Variants in CATSPERE observed in about 807,000 individuals in gnomAD.
CATSPERE encodes cation channel sperm-associated auxiliary subunit epsilon.
In CATSPERE, 93 loss-of-function variants were observed where a neutral mutation model predicts 114.1. The observed-to-expected ratio is 0.81, with a 90% confidence interval of 0.69 to 0.97. The LOEUF is 0.97. CATSPERE is among the 50% of genes least tolerant of loss of function. CATSPERE has a pLI of 0.00. For missense variants in CATSPERE, 1,058 were observed against 1,131.6 expected (o/e 0.93, Z 0.93); for synonymous variants, 341 against 384.1 (o/e 0.89, Z 1.31).
chr1:244,524,139 G>C (rs1678109065), intron 8 of CATSPERE, among the ~76,000 whole-genome samples: 1 of 149,416 alleles, frequency 6.7e-6, no homozygotes, highest in African/African-American at 2.6e-5. Context: ...CCAAAACAGA[G>C]ATATAGATCA....
intron 7 of CATSPERE, among the ~76,000 whole-genome samples, chr1:244,505,652 A>G (rs935676854): frequency 2.7e-4 from 41 of 152,288 alleles, no homozygotes; most frequent in African/African-American, 9.9e-4. Context: ...TGTTTCCAGC[A>G]TACATGTTAT....
chr1:244,511,477 T>A (rs1226361935), intron 7 of CATSPERE, among the ~76,000 whole-genome samples: 2 of 152,216 alleles, frequency 1.3e-5, no homozygotes, highest in African/African-American at 4.8e-5. Flanking sequence ...AGGTTATTAT[T>A]TATAGGTGAG....
chr1:244,461,396 G>C lies in CATSPERE; in HGVS notation c.-34G>C. ...AATGCGCGAGGCCTGGACGGGAGTGGCCGAGGCGGTTGGGCGGAGGCGGAG... is the reference window on the plus strand; with the variant it reads ...AATGCGCGAGGCCTGGACGGGAGTGCCCGAGGCGGTTGGGCGGAGGCGGAG... On this transcript the variant is annotated 5_prime_UTR_variant, in exon 1 of 22. Coordinates refer to ENST00000366534, the MANE Select transcript of CATSPERE (RefSeq NM_001130957.2). 7.4e-7 allele frequency: 1 copy of C among 1,346,644 alleles called. No homozygotes were observed. Among genetic ancestry groups the C allele is most frequent in the South Asian group, 2.0e-5 (1 of 50,278 alleles). The allele number at this position is 1,346,644 out of a possible 1,614,324, so 83.4% of individuals were successfully genotyped here. A position where few individuals can be genotyped will look rare whatever the true frequency, so the allele number is the denominator to read the frequency against.
chr1:244,528,648 T>A (rs190223643), intron 8 of CATSPERE, among the ~76,000 whole-genome samples: 1 of 152,260 alleles, frequency 6.6e-6, no homozygotes, highest in Admixed American at 6.5e-5. Flanking sequence ...ACAGTCTAAT[T>A]ATACTCTTTT....
intron 7 of CATSPERE, among the ~76,000 whole-genome samples, chr1:244,501,788 C>T (rs1440460893): frequency 3.3e-5 from 5 of 152,146 alleles, no homozygotes; most frequent in African/African-American, 1.2e-4. Flanking sequence ...TTCTATGGCT[C>T]TCCATTAGAA....
chr1:244,625,404 ATTTATAT>A (rs1382579614), intron 20 of CATSPERE, among the ~76,000 whole-genome samples: 4 of 12,318 alleles, frequency 3.2e-4, no homozygotes, highest in Non-Finnish European at 5.8e-4. Context: ...TATTATTATT[ATTTATAT>A]ATATATATAT....
chr1:244,602,334 T>C (rs1365962810), intron 17 of CATSPERE, among the ~76,000 whole-genome samples: 1 of 152,220 alleles, frequency 6.6e-6, no homozygotes, highest in Non-Finnish European at 1.5e-5. Context: ...CGATCAGGTA[T>C]TCATCAGAGG....
Position 244,504,871 on chromosome 1 carries a change from G to A in CATSPERE, c.429+5792G>A, listed in dbSNP as rs1031501144. Among the ~76,000 whole-genome samples, 3 of 152,208 alleles carry A rather than the reference G, an allele frequency of 2.0e-5. No homozygotes were observed. The highest frequency in any genetic ancestry group is 1.9e-4 in the East Asian group (1 of 5,176). ...TTTCTTCTCCCTGTCCATGTTGTTCGCCTTGGAAGTAAGTCACTCAGTACA... is the reference window on the plus strand; with the variant it reads ...TTTCTTCTCCCTGTCCATGTTGTTCACCTTGGAAGTAAGTCACTCAGTACA... On this transcript the variant is annotated intron_variant, in intron 7 of 21. Transcript: ENST00000366534. This position sits in a 1 kb window ranked among gnomAD's most constrained non-coding sequence, Gnocchi z 4.1.
At chr1:244,525,911 C>A (rs1211048611) in intron 8 of CATSPERE, among the ~76,000 whole-genome samples, 2 of 150,872 alleles carry the variant, frequency 1.3e-5, no homozygotes, top group Admixed American at 6.6e-5. Flanking sequence ...ACTTAAGAAG[C>A]CTAGAAGTAG....
intron 19 of CATSPERE, among the ~76,000 whole-genome samples, chr1:244,612,902 T>G (rs1445060135): frequency 6.6e-6 from 1 of 151,980 alleles, no homozygotes; most frequent in Non-Finnish European, 1.5e-5. Flanking sequence ...GAAGAAACAA[T>G]AATGGCGGGA....
chr1:244,634,853 T>C (rs1471360646), intron 20 of CATSPERE, among the ~76,000 whole-genome samples: 1 of 152,216 alleles, frequency 6.6e-6, no homozygotes, highest in East Asian at 1.9e-4. Context: ...AGTATTCATT[T>C]TCTTTTTTTG....
chr1:244,554,665 T>C (rs532586019), intron 9 of CATSPERE, among the ~76,000 whole-genome samples: 3 of 152,356 alleles, frequency 2.0e-5, no homozygotes, highest in African/African-American at 7.2e-5. Flanking sequence ...CTGTTGGCCA[T>C]TTGTATATCT....
At chr1:244,613,974 G>A (rs1671060536) in intron 19 of CATSPERE, among the ~76,000 whole-genome samples, 2 of 152,114 alleles carry the variant, frequency 1.3e-5, no homozygotes, top group East Asian at 3.9e-4. Context: ...ACAATAGGAA[G>A]AGAGACCTGA....
intron 2 of CATSPERE, among the ~76,000 whole-genome samples, chr1:244,467,912 T>G (rs1485271466): frequency 6.6e-6 from 1 of 152,186 alleles, no homozygotes; most frequent in Non-Finnish European, 1.5e-5. Context: ...GGAATCTATG[T>G]AATATATATT....
intron 18 of CATSPERE, among the ~76,000 whole-genome samples, chr1:244,608,535 CA>C (rs150288682): frequency 0.018 from 1,979 of 111,770 alleles, 32 homozygotes; most frequent in African/African-American, 0.049. Context: ...GATCCTGTCT[CA>C]AAAAAAAAAA....
intron 2 of CATSPERE, among the ~76,000 whole-genome samples, chr1:244,464,648 C>T (rs1667313636): frequency 6.6e-6 from 1 of 152,178 alleles, no homozygotes; most frequent in Non-Finnish European, 1.5e-5. Flanking sequence ...TGTACATCTT[C>T]ACCAAAATTT....
intron 21 of CATSPERE, among the ~76,000 whole-genome samples, chr1:244,637,407 C>T (rs1013490173): frequency 6.6e-6 from 1 of 152,164 alleles, no homozygotes; most frequent in Admixed American, 6.5e-5. Context: ...TGACCTCCCT[C>T]TACTGCACTT....
chr1:244,491,686 T>G (rs534000770), intron 6 of CATSPERE, among the ~76,000 whole-genome samples: 110 of 151,956 alleles, frequency 7.2e-4, no homozygotes, highest in African/African-American at 2.6e-3. Context: ...ACAAAATCGA[T>G]AGACCGCTAG....
chr1:244,552,278 G>A (rs1252677306), intron 8 of CATSPERE, 44 bp from the exon 9 acceptor site: 2 of 1,553,306 alleles, frequency 1.3e-6, no homozygotes, highest in African/African-American at 1.4e-5. Context: ...AGATGGATCA[G>A]ATGAGAGAGA....
Sources: gnomAD v4.1 joint callset for allele counts (sites outside exome capture counted in the v4.1 genomes callset) on GRCh38, gnomAD v4.1.1 for gene constraint, Gnocchi (gnomAD v3.1) non-coding constraint, MANE v1.5 for transcripts, NCBI Gene and HGNC (gene_info 2026-07-23, HGNC 2026-07-21) for gene names.